Variants in GRIK4 observed in about 807,000 individuals in gnomAD.
The protein encoded by GRIK4 is glutamate ionotropic receptor kainate type subunit 4, also known as glutamate receptor ionotropic, kainate 4.
In GRIK4, 40 loss-of-function variants were observed where a neutral mutation model predicts 104.9. That is an observed-to-expected ratio of 0.38 (90% CI 0.30 to 0.50). GRIK4 has a LOEUF of 0.50. Among genes scored for constraint, GRIK4 ranks in the 20% least tolerant of loss-of-function variants. The pLI is 0.93. For synonymous variants in GRIK4, 485 were observed against 524.9 expected (o/e 0.92, Z 1.04); for missense variants, 1,047 against 1,308.1 (o/e 0.80, Z 3.08).
At chr11:120,617,170 C>T (rs1475180282) in intron 1 of GRIK4, among the ~76,000 whole-genome samples, 2 of 152,254 alleles carry the variant, frequency 1.3e-5, no homozygotes, top group South Asian at 2.1e-4. Flanking sequence ...TCTTTTGTCT[C>T]GCAAGAGGTT....
chr11:120,978,569 T>G, intron 19 of GRIK4, among the ~76,000 whole-genome samples: 1 of 152,180 alleles, frequency 6.6e-6, no homozygotes, highest in East Asian at 1.9e-4. Flanking sequence ...AACTGTGTAG[T>G]GTGCAGAGTT....
chr11:120,978,578 T>C (rs1356323052), intron 19 of GRIK4, among the ~76,000 whole-genome samples: 1 of 152,024 alleles, frequency 6.6e-6, no homozygotes, highest in Non-Finnish European at 1.5e-5. Context: ...GTGTGCAGAG[T>C]TGAGAAGGAA....
At chr11:120,528,407 G>A (rs150881071) in intron 1 of GRIK4, among the ~76,000 whole-genome samples, 7 of 152,276 alleles carry the variant, frequency 4.6e-5, no homozygotes, top group East Asian at 1.9e-4. Flanking sequence ...CACCAAGCCC[G>A]ACCCTATAAT....
intron 3 of GRIK4, among the ~76,000 whole-genome samples, chr11:120,758,821 A>G (rs963789257): frequency 6.6e-6 from 1 of 152,166 alleles, no homozygotes; most frequent in African/African-American, 2.4e-5. Flanking sequence ...CAACTTCTCA[A>G]GGGACACTGG....
intron 8 of GRIK4, among the ~76,000 whole-genome samples, chr11:120,838,678 C>T (rs11218024): frequency 0.33 from 49,510 of 152,066 alleles, 8,914 homozygotes; most frequent in East Asian, 0.49. Flanking sequence ...AGGGACAAAC[C>T]TCTAATAGGA....
rs542901018 is a variant in GRIK4 at position 120,570,212 on chromosome 11, G to C, written c.-159+58325G>C. 1.0e-3 allele frequency among the ~76,000 whole-genome samples: 153 copies of C among 152,196 alleles called. 1 individual carries two copies. Among genetic ancestry groups the C allele is most frequent in the Non-Finnish European group, 2.1e-3 (140 of 68,024 alleles). Reference sequence around the variant, plus strand: ...CCAACCACAGAGGATCAGGGGTTGGGGATTTTAAAAAGCTATTGTGATAAT... The same window carrying C: ...CCAACCACAGAGGATCAGGGGTTGGCGATTTTAAAAAGCTATTGTGATAAT... On this transcript the variant is annotated intron_variant, in intron 1 of 20. Transcript: ENST00000527524.
intron 1 of GRIK4, among the ~76,000 whole-genome samples, chr11:120,625,525 C>T (rs976204480): frequency 1.3e-5 from 2 of 152,078 alleles, no homozygotes; most frequent in African/African-American, 2.4e-5. Context: ...GTTGTTGCCT[C>T]TTCTCACATC....
intron 3 of GRIK4, among the ~76,000 whole-genome samples, chr11:120,785,805 C>T (rs1281211655): frequency 1.1e-4 from 16 of 152,166 alleles, no homozygotes; most frequent in Admixed American, 1.0e-3. Flanking sequence ...CATGCCTCCG[C>T]GTCTCCATGC....
intron 3 of GRIK4, among the ~76,000 whole-genome samples, chr11:120,748,427 G>C (rs1951486191): frequency 6.6e-6 from 1 of 152,070 alleles, no homozygotes; most frequent in East Asian, 1.9e-4. Flanking sequence ...GATGAGAGTA[G>C]GGTGCTGCTG....
At chr11:120,516,408 C>T (rs919361808) in intron 1 of GRIK4, among the ~76,000 whole-genome samples, 4 of 152,046 alleles carry the variant, frequency 2.6e-5, no homozygotes, top group African/African-American at 9.7e-5. Flanking sequence ...GAGGACTGGG[C>T]GCTCGGGCAC....
chr11:120,619,438 C>T (rs780532186), intron 1 of GRIK4, among the ~76,000 whole-genome samples: 2 of 152,100 alleles, frequency 1.3e-5, no homozygotes, highest in African/African-American at 4.8e-5. Flanking sequence ...TTAAGACTTT[C>T]GGGGACTGTT....
intron 8 of GRIK4, among the ~76,000 whole-genome samples, chr11:120,837,449 G>A (rs1207588290): frequency 6.6e-6 from 1 of 152,184 alleles, no homozygotes; most frequent in African/African-American, 2.4e-5. Context: ...TTGAGTAGAA[G>A]TGCCTAGTTT....
In GRIK4 at chr11:120,549,748, CAG is replaced by C. The variant is rs1265830947; in HGVS notation, c.-159+37862_-159+37863del. ...GGGAGAGGTGGGCAGCTGCTGCAGA[CAG>C]GGGACACAATGGAATCCTCAAGGAG... is the stretch of plus-strand genomic sequence containing the variant. On this transcript the variant is annotated intron_variant, in intron 1 of 20. Transcript: ENST00000527524. The surrounding 1 kb of genome is among the most constrained non-coding windows in gnomAD (Gnocchi z 4.7). 3.3e-5 allele frequency among the ~76,000 whole-genome samples: 5 copies of C among 152,058 alleles called. No individual in the cohort carries two copies. The highest frequency in any genetic ancestry group is 9.7e-5 in the African/African-American group (4 of 41,410).
In GRIK4 at chr11:120,665,777, G is replaced by T. The variant is rs142656796; in HGVS notation, c.82+5377G>T. Among the ~76,000 whole-genome samples, 158 of 152,278 alleles carry T rather than the reference G, an allele frequency of 1.0e-3. 4 individuals carry two copies. In the East Asian group the frequency reaches 0.025, roughly 24 times the overall value. ...CTGCACACACTTGTGCTTATGTAAG[G>T]CTATCTCTCCTCTCCTCCTTGCTCC... On this transcript the variant is annotated intron_variant, in intron 3 of 20. Coordinates refer to ENST00000527524, the MANE Select transcript of GRIK4 (RefSeq NM_014619.5).
intron 1 of GRIK4, among the ~76,000 whole-genome samples, chr11:120,514,658 G>A (rs928322385): frequency 9.9e-5 from 15 of 152,124 alleles, no homozygotes; most frequent in African/African-American, 2.9e-4. Flanking sequence ...TGGGTGTCCC[G>A]CCACTCCCTA....
chr11:120,857,022 C>G (rs1226000433), intron 8 of GRIK4, among the ~76,000 whole-genome samples: 2 of 152,176 alleles, frequency 1.3e-5, no homozygotes, highest in Non-Finnish European at 2.9e-5. Flanking sequence ...ACACCAGACA[C>G]TAAAGCTCTA....
chr11:120,909,092 G>A (rs1253094841), intron 13 of GRIK4, among the ~76,000 whole-genome samples: 1 of 152,250 alleles, frequency 6.6e-6, no homozygotes, highest in Non-Finnish European at 1.5e-5. Context: ...GACACCATGG[G>A]CCGGGCCAGG....
intron 3 of GRIK4, among the ~76,000 whole-genome samples, chr11:120,800,825 C>G (rs141423626): frequency 3.9e-5 from 6 of 152,222 alleles, no homozygotes; most frequent in Admixed American, 2.6e-4. Flanking sequence ...TCTGCGTCCG[C>G]GCAGACATTC....
intron 3 of GRIK4, among the ~76,000 whole-genome samples, chr11:120,800,681 G>T (rs752665665): frequency 2.0e-5 from 3 of 152,204 alleles, no homozygotes; most frequent in Non-Finnish European, 2.9e-5. Flanking sequence ...ATTCAATGAA[G>T]TTATGCATGT....
Sources: allele counts gnomAD v4.1 joint callset (sites outside exome capture counted in the v4.1 genomes callset), GRCh38; gene constraint gnomAD v4.1.1; non-coding constraint Gnocchi (gnomAD v3.1); transcripts MANE v1.5; gene names NCBI Gene and HGNC (gene_info 2026-07-23, HGNC 2026-07-21).